UBE2R2: variants seen among roughly 807,000 people sequenced by gnomAD.
UBE2R2 encodes ubiquitin-conjugating enzyme E2 R2.
UBE2R2 carries 1 observed loss-of-function variant against 27.8 expected under a neutral mutation model. The observed-to-expected ratio is 0.04, with a 90% CI of 0.01 to 0.17. The LOEUF is 0.17. Ranked by LOEUF, UBE2R2 falls within the 10% of genes least tolerant of loss-of-function variation. UBE2R2 has a pLI of 1.00. For synonymous variants in UBE2R2, 106 were observed against 113.3 expected (o/e 0.94, Z 0.41); for missense variants, 100 against 291.0 (o/e 0.34, Z 4.78).
At chr9:33,887,696 C>T (rs148060223) in intron 2 of UBE2R2, among the ~76,000 whole-genome samples, 138 of 151,726 alleles carry the variant, frequency 9.1e-4, no homozygotes, top group African/African-American at 3.2e-3. Flanking sequence ...GTTTTTGAGA[C>T]AGTCTCGCTC....
At chr9:33,872,252 G>A (rs917253325) in intron 1 of UBE2R2, among the ~76,000 whole-genome samples, 3 of 151,678 alleles carry the variant, frequency 2.0e-5, no homozygotes, top group African/African-American at 7.3e-5. Flanking sequence ...AGTTATCCAG[G>A]CGTGGTGGTG....
At position 33,888,581 on chromosome 9, in the gene UBE2R2, G is replaced by A. The variant is rs146218473; in HGVS notation, c.264+1614G>A. Among the ~76,000 whole-genome samples, 1,206 of 152,202 alleles carry A rather than the reference G, an allele frequency of 7.9e-3. 12 individuals carry two copies. The highest frequency in any genetic ancestry group is 0.027 in the African/African-American group (1,117 of 41,516). ...CACCCAGGCTGGAGTGCAGTGGTGC[G>A]ATTTCAGCTAACTGAACCTCCACCT... On this transcript the variant is annotated intron_variant, in intron 2 of 4. Transcript: ENST00000263228.
At chr9:33,916,439 G>T (rs1401335172) in intron 4 of UBE2R2, among the ~76,000 whole-genome samples, 1 of 152,150 alleles carries the variant, frequency 6.6e-6, no homozygotes, top group Non-Finnish European at 1.5e-5. Flanking sequence ...ATTAAGAATT[G>T]TTGGGGCACT....
chr9:33,847,072 A>G (rs1820863245), intron 1 of UBE2R2, among the ~76,000 whole-genome samples: 1 of 109,594 alleles, frequency 9.1e-6, no homozygotes, highest in African/African-American at 3.6e-5. Context: ...TTTCAGTACT[A>G]TGAAGTTTTC....
In UBE2R2 at chr9:33,854,350, A is replaced by C. The variant is rs1821047769; in HGVS notation, c.178-32531A>C. 4.0e-5 allele frequency among the ~76,000 whole-genome samples: 6 copies of C among 149,176 alleles called. No individual in the cohort carries two copies. In the Admixed American group the frequency reaches 4.0e-4, roughly 10 times the overall value. On this transcript the variant is annotated intron_variant, in intron 1 of 4. Transcript: ENST00000263228. ...TTTTTTTTTTTCGAGACGGCGTTTC[A>C]CTCTTGTCGTCCAGGCTGGAGTGCA...
chr9:33,855,281 A>G (rs2130759288), intron 1 of UBE2R2, among the ~76,000 whole-genome samples: 1 of 151,084 alleles, frequency 6.6e-6, no homozygotes, highest in Admixed American at 6.6e-5. Context: ...TTTTTCTCTC[A>G]TTTTTTGTGT....
At chr9:33,906,820 T>C (rs1398174590) in intron 3 of UBE2R2, among the ~76,000 whole-genome samples, 1 of 152,156 alleles carries the variant, frequency 6.6e-6, no homozygotes, top group African/African-American at 2.4e-5. Context: ...GTGGATTGCT[T>C]GAGCCCAGGA....
At chr9:33,897,467 G>A (rs1399012768) in intron 2 of UBE2R2, among the ~76,000 whole-genome samples, 1 of 150,576 alleles carries the variant, frequency 6.6e-6, no homozygotes, top group East Asian at 2.0e-4. Flanking sequence ...ACAGGTGCGT[G>A]CCACCACGCC....
chr9:33,886,732 G>A, intron 1 of UBE2R2, 149 bp from the exon 2 acceptor site: 1 of 560,570 alleles, frequency 1.8e-6, no homozygotes. Flanking sequence ...CTGGCACTGG[G>A]GATAACAAAG....
rs149475900 is a variant in UBE2R2, at chr9:33,898,108, T to C, written c.265-2066T>C. Among the ~76,000 whole-genome samples, 466 of 151,858 alleles carry C rather than the reference T, an allele frequency of 3.1e-3. 2 individuals are homozygous for C. The highest frequency in any genetic ancestry group is 6.8e-3 in the Middle Eastern group (2 of 294). ...TTTGTTTTTTGTTTTTGTTTTGAGA[T>C]GGAGTCTCGCTCTGCCGCCCAGGCT... On this transcript the variant is annotated intron_variant, in intron 2 of 4. Transcript: ENST00000263228.
intron 1 of UBE2R2, among the ~76,000 whole-genome samples, chr9:33,871,561 C>T (rs764516575): frequency 2.2e-4 from 33 of 152,058 alleles, no homozygotes; most frequent in Non-Finnish European, 4.1e-4. Context: ...ATTTTTAATT[C>T]TATTTGCGAT....
chr9:33,870,142 G>A (rs1821455962), intron 1 of UBE2R2, among the ~76,000 whole-genome samples: 1 of 151,358 alleles, frequency 6.6e-6, no homozygotes, highest in Non-Finnish European at 1.5e-5. Context: ...ACTGTGCCCA[G>A]CCTTATTTTT....
chr9:33,878,354 G>A (rs776106789), intron 1 of UBE2R2, among the ~76,000 whole-genome samples: 1 of 152,128 alleles, frequency 6.6e-6, no homozygotes, highest in Non-Finnish European at 1.5e-5. Flanking sequence ...AGTGGCTCAC[G>A]CCTGTAATCC....
chr9:33,891,917 C>A (rs1437607842), intron 2 of UBE2R2, among the ~76,000 whole-genome samples: 1 of 152,134 alleles, frequency 6.6e-6, no homozygotes, highest in Non-Finnish European at 1.5e-5. Context: ...CCTGTAGTCC[C>A]AGCTACTTGG....
intron 1 of UBE2R2, among the ~76,000 whole-genome samples, chr9:33,880,492 T>C (rs375313224): frequency 5.9e-5 from 9 of 152,226 alleles, no homozygotes; most frequent in African/African-American, 2.2e-4. Flanking sequence ...GAATATGCTA[T>C]GTATTATGTC....
intron 1 of UBE2R2, among the ~76,000 whole-genome samples, chr9:33,856,319 AAAC>A (rs2130760510): frequency 6.6e-6 from 1 of 152,318 alleles, no homozygotes; most frequent in South Asian, 2.1e-4. Context: ...AAAAATTAAA[AAAC>A]TATTAATACT....
chr9:33,916,980 A>G (rs1185692455), intron 4 of UBE2R2, 38 bp from the exon 5 acceptor site: 1 of 1,607,776 alleles, frequency 6.2e-7, no homozygotes, highest in Admixed American at 1.7e-5. Context: ...TTAAAAAAAG[A>G]CTTACCGTAA....
At chr9:33,909,430 G>C (rs1587483777) in intron 3 of UBE2R2, among the ~76,000 whole-genome samples, 1 of 152,334 alleles carries the variant, frequency 6.6e-6, no homozygotes, top group Admixed American at 6.5e-5. Context: ...GGAGGTTGCA[G>C]TGAGCCAAGA....
intron 1 of UBE2R2, among the ~76,000 whole-genome samples, chr9:33,838,385 T>G (rs1392318053): frequency 6.6e-6 from 1 of 151,838 alleles, no homozygotes; most frequent in East Asian, 1.9e-4. Context: ...TATGTACATA[T>G]ATATATACAT....
Sources: gnomAD v4.1 joint callset for allele counts (sites outside exome capture counted in the v4.1 genomes callset) on GRCh38, gnomAD v4.1.1 for gene constraint, MANE v1.5 for transcripts, NCBI Gene and HGNC (gene_info 2026-07-23, HGNC 2026-07-21) for gene names.